CRISPLD2: variants seen among roughly 807,000 people sequenced by gnomAD.
CRISPLD2 encodes the protein cysteine-rich secretory protein LCCL domain-containing 2.
In CRISPLD2, 47 loss-of-function variants were observed where a neutral mutation model predicts 71.1. The ratio of observed to expected loss-of-function variants is 0.66; its 90% CI spans 0.52 to 0.84. CRISPLD2 has a LOEUF of 0.84. Ranked by LOEUF, CRISPLD2 falls within the 40% of genes least tolerant of loss-of-function variation. CRISPLD2 has a pLI of 0.00. For synonymous variants in CRISPLD2, 317 were observed against 250.1 expected (o/e 1.27, Z -2.52); for missense variants, 830 against 651.1 (o/e 1.27, Z -2.99).
chr16:84,867,041 G>A lies in CRISPLD2; in HGVS notation c.853+1G>A, dbSNP rs1257068705. Reference sequence around the variant, plus strand: ...AAAACCTCTGCGGTCAACTACATGAGTGAGTCTAGGCCGTCCTCCGCCCCT... The same window carrying A: ...AAAACCTCTGCGGTCAACTACATGAATGAGTCTAGGCCGTCCTCCGCCCCT... On this transcript the variant is annotated splice_donor_variant, in intron 7 of 14. Transcript: ENST00000262424. LOFTEE classifies it high-confidence loss of function. The A allele has an allele frequency of 6.2e-7, 1 of 1,613,938 alleles. No homozygotes were observed. Among genetic ancestry groups the A allele is most frequent in the African/African-American group, 1.3e-5 (1 of 74,878 alleles).
At chr16:84,888,035 C>T (rs1042071534) in intron 13 of CRISPLD2, among the ~76,000 whole-genome samples, 5 of 152,310 alleles carry the variant, frequency 3.3e-5, no homozygotes, top group South Asian at 4.1e-4. Flanking sequence ...TCACCACAGA[C>T]GTGGTGGCTT....
chr16:84,823,633 G>A (rs1208592483), intron 1 of CRISPLD2, among the ~76,000 whole-genome samples: 2 of 152,144 alleles, frequency 1.3e-5, no homozygotes, highest in African/African-American at 4.8e-5. Flanking sequence ...TCTACCCCAG[G>A]CTGTACAATG....
In CRISPLD2 at chr16:84,855,589, T is replaced by C. The variant is rs560120101; in HGVS notation, c.709+760T>C. 1.4e-4 allele frequency among the ~76,000 whole-genome samples: 21 copies of C among 152,288 alleles called. No homozygotes were observed. In the South Asian group the frequency reaches 4.3e-3, roughly 32 times the overall value. On this transcript the variant is annotated intron_variant, in intron 6 of 14. Coordinates refer to ENST00000262424, the MANE Select transcript of CRISPLD2 (RefSeq NM_031476.4). ...GGTGGGTCTGCCTCTCCCAGCCCACTGACTCAAATGTTAATCTCCTTTGGC... is the reference window on the plus strand; with the variant it reads ...GGTGGGTCTGCCTCTCCCAGCCCACCGACTCAAATGTTAATCTCCTTTGGC...
chr16:84,866,754 T>G (rs999881270), intron 6 of CRISPLD2, 143 bp from the exon 7 acceptor site: 1 of 779,538 alleles, frequency 1.3e-6, no homozygotes, highest in African/African-American at 1.7e-5. Flanking sequence ...TTCTGAAATG[T>G]AACTTTCTCT....
intron 5 of CRISPLD2, 65 bp downstream of exon 5, chr16:84,850,748 C>T (rs1238223001): frequency 7.8e-7 from 1 of 1,276,808 alleles, no homozygotes; most frequent in Non-Finnish European, 1.1e-6. Flanking sequence ...CAGGGAGCAC[C>T]CAGTGAAAAC....
chr16:84,864,192 T>C (rs866933841), intron 6 of CRISPLD2, among the ~76,000 whole-genome samples: 65 of 152,226 alleles, frequency 4.3e-4, no homozygotes, highest in African/African-American at 1.5e-3. Context: ...CCGTGACCTC[T>C]GCACGGAATT....
chr16:84,883,158 G>A (rs1172640306), intron 13 of CRISPLD2, among the ~76,000 whole-genome samples: 1 of 152,186 alleles, frequency 6.6e-6, no homozygotes, highest in African/African-American at 2.4e-5. Flanking sequence ...AAGAGGGAAG[G>A]AGGGAAGGAA....
rs1395574123 is a variant in CRISPLD2 at position 84,838,545 on chromosome 16, T to G, written c.50T>G (p.Val17Gly). 1.2e-6 allele frequency: 2 copies of G among 1,614,068 alleles called. No homozygotes were observed. Among genetic ancestry groups the G allele is most frequent in the Admixed American group, 3.3e-5 (2 of 60,010 alleles). Reference sequence around the variant, plus strand: ...ATCCCCTTGGGGCTGCTGTTCCTGGTCTGCGGATCCCAAGGCTACCTCCTG... The same window carrying G: ...ATCCCCTTGGGGCTGCTGTTCCTGGGCTGCGGATCCCAAGGCTACCTCCTG... ...GVIPLGLLFL[V>G]CGSQGYLLPN... Residue 17 changes from valine to glycine, a missense_variant, in exon 2 of 15, where the codon GTC becomes GGC. Physicochemically the swap from Val to Gly is moderately radical, Grantham distance 109. Coordinates refer to ENST00000262424, the MANE Select transcript of CRISPLD2 (RefSeq NM_031476.4).
intron 1 of CRISPLD2, among the ~76,000 whole-genome samples, chr16:84,837,713 G>A (rs945117531): frequency 7.2e-5 from 11 of 152,152 alleles, no homozygotes; most frequent in Non-Finnish European, 1.6e-4. Context: ...CACCGCCCCC[G>A]GCCAGCCACA....
At chr16:84,895,031 C>G (rs1016681405) in intron 14 of CRISPLD2, among the ~76,000 whole-genome samples, 1 of 152,218 alleles carries the variant, frequency 6.6e-6, no homozygotes, top group Non-Finnish European at 1.5e-5. Flanking sequence ...TCTCTGTGCT[C>G]TGCAGAGGAG....
At chr16:84,887,319 G>A (rs2143338707) in intron 13 of CRISPLD2, among the ~76,000 whole-genome samples, 1 of 152,294 alleles carries the variant, frequency 6.6e-6, no homozygotes, top group African/African-American at 2.4e-5. Flanking sequence ...TGGGGAGTCT[G>A]CCCCGTTCAC....
chr16:84,878,676 A>C (rs1357795253), intron 12 of CRISPLD2, among the ~76,000 whole-genome samples: 1 of 152,206 alleles, frequency 6.6e-6, no homozygotes, highest in African/African-American at 2.4e-5. Flanking sequence ...CTGTCGCTGA[A>C]GTTCCTGGTA....
At chr16:84,871,751 C>T (rs1249890124) in intron 8 of CRISPLD2, among the ~76,000 whole-genome samples, 2 of 151,648 alleles carry the variant, frequency 1.3e-5, no homozygotes, top group East Asian at 1.9e-4. Context: ...GGGTTTTTGC[C>T]ATCTTGGCCA....
intron 14 of CRISPLD2, among the ~76,000 whole-genome samples, chr16:84,892,334 G>A (rs769675523): frequency 6.6e-6 from 1 of 152,220 alleles, no homozygotes; most frequent in African/African-American, 2.4e-5. Flanking sequence ...GACAGCTGCC[G>A]TTCTAAGAGT....
At chr16:84,860,264 A>G (rs920041037) in intron 6 of CRISPLD2, among the ~76,000 whole-genome samples, 1 of 152,194 alleles carries the variant, frequency 6.6e-6, no homozygotes, top group Non-Finnish European at 1.5e-5. Flanking sequence ...AGTGGGCCCA[A>G]ATCAAGAAAT....
intron 6 of CRISPLD2, among the ~76,000 whole-genome samples, chr16:84,864,177 C>T (rs78912469): frequency 0.02 from 3,103 of 152,132 alleles, 56 homozygotes; most frequent in Non-Finnish European, 0.032. Context: ...CACAGAATAA[C>T]CTTGCCGTGA....
At chr16:84,864,314 A>G (rs1342096973) in intron 6 of CRISPLD2, among the ~76,000 whole-genome samples, 1 of 152,164 alleles carries the variant, frequency 6.6e-6, no homozygotes, top group African/African-American at 2.4e-5. Context: ...GAGAGCCAGG[A>G]CTGTCTGTCT....
chr16:84,854,719 C>T lies in CRISPLD2; in HGVS notation c.609-10C>T, dbSNP rs1567688975. On this transcript the variant is annotated splice_polypyrimidine_tract_variant and intron_variant, in intron 5 of 14. Coordinates refer to ENST00000262424, the MANE Select transcript of CRISPLD2 (RefSeq NM_031476.4). ...TTCCCTCTGACGGTTGTTTTTGGGT[C>T]TGTCCTCAGGGGGAACTGGATTGGA... 14 of 1,611,284 alleles carry T rather than the reference C, an allele frequency of 8.7e-6. No homozygotes were observed. The highest frequency in any genetic ancestry group is 1.2e-5 in the Non-Finnish European group (14 of 1,177,430).
intron 14 of CRISPLD2, among the ~76,000 whole-genome samples, chr16:84,903,469 G>A (rs745478649): frequency 8.3e-4 from 127 of 152,214 alleles, no homozygotes; most frequent in Non-Finnish European, 1.7e-3. Flanking sequence ...GCGCATGCCT[G>A]TAATTCCAGC....
Sources: gnomAD v4.1 joint callset for allele counts (sites outside exome capture counted in the v4.1 genomes callset) on GRCh38, gnomAD v4.1.1 for gene constraint, MANE v1.5 for transcripts, NCBI Gene and HGNC (gene_info 2026-07-23, HGNC 2026-07-21) for gene names.